The following CPHXL2 variants were observed in gnomAD, a reference collection of about 807,000 sequenced individuals.
CPHXL2 encodes the protein cytoplasmic polyadenylated homeobox like 2, also known as cytoplasmic polyadenylated homeobox-like protein 2.
chr16:75,671,364 A>G, the CPHXL2 span, among the ~76,000 whole-genome samples: 1 of 150,876 alleles, frequency 6.6e-6, no homozygotes. Flanking sequence ...TCTGTATCAA[A>G]AAAAAAAAAA....
chr16:75,672,046 C>T, the CPHXL2 span, among the ~76,000 whole-genome samples: 5 of 150,392 alleles, frequency 3.3e-5, no homozygotes, highest in African/African-American at 4.9e-5. Flanking sequence ...CTGAGGTGGG[C>T]GGATGACTTG....
the CPHXL2 span, among the ~76,000 whole-genome samples, chr16:75,675,625 G>T: frequency 2.0e-5 from 3 of 152,144 alleles, no homozygotes; most frequent in African/African-American, 7.2e-5. Context: ...TCCAAGTTCT[G>T]GGGCTACTCC....
At chr16:75,663,989 G>A in the CPHXL2 span, among the ~76,000 whole-genome samples, 2 of 151,824 alleles carry the variant, frequency 1.3e-5, no homozygotes, top group South Asian at 2.1e-4. Flanking sequence ...TCATCAGCAT[G>A]ACAACACTTT....
chr16:75,666,960 A>G, the CPHXL2 span, among the ~76,000 whole-genome samples: 1 of 152,206 alleles, frequency 6.6e-6, no homozygotes, highest in Non-Finnish European at 1.5e-5. Context: ...TGGAAATTAA[A>G]TAACCTGTTC....
chr16:75,675,175 T>G, the CPHXL2 span, among the ~76,000 whole-genome samples: 2 of 141,862 alleles, frequency 1.4e-5, no homozygotes, highest in East Asian at 2.1e-4. Context: ...GGTGACAGAG[T>G]GAGACTGTCT....
the CPHXL2 span, among the ~76,000 whole-genome samples, chr16:75,674,447 A>T: frequency 6.6e-6 from 1 of 151,888 alleles, no homozygotes; most frequent in Non-Finnish European, 1.5e-5. Context: ...ATTAAAGTAG[A>T]CCTAAATAAA....
the CPHXL2 span, among the ~76,000 whole-genome samples, chr16:75,669,829 G>A: frequency 6.6e-6 from 1 of 152,194 alleles, no homozygotes; most frequent in African/African-American, 2.4e-5. Context: ...CTTGTCTATG[G>A]CCGTTTTCAA....
At chr16:75,672,000 G>A in the CPHXL2 span, among the ~76,000 whole-genome samples, 1 of 151,942 alleles carries the variant, frequency 6.6e-6, no homozygotes, top group African/African-American at 2.4e-5. Context: ...TAACGGGTGC[G>A]ATGGCTCACA....
At chr16:75,668,342 T>C in the CPHXL2 span, among the ~76,000 whole-genome samples, 93,580 of 151,056 alleles carry the variant, frequency 0.62, 31,941 homozygotes, top group East Asian at 0.96. Flanking sequence ...GATTCTCCTG[T>C]CTCAGCCTCC....
chr16:75,667,407 T>G, the CPHXL2 span, among the ~76,000 whole-genome samples: 18 of 152,314 alleles, frequency 1.2e-4, no homozygotes, highest in East Asian at 2.7e-3. Flanking sequence ...TCTGTATTCT[T>G]ATTCTAGTTT....
the CPHXL2 span, among the ~76,000 whole-genome samples, chr16:75,663,052 G>A: frequency 1.3e-5 from 2 of 152,122 alleles, no homozygotes; most frequent in African/African-American, 4.8e-5. Context: ...CGCCCGCCTC[G>A]GCCTCCCAAA....
At chr16:75,671,258 G>C in the CPHXL2 span, among the ~76,000 whole-genome samples, 1 of 151,908 alleles carries the variant, frequency 6.6e-6, no homozygotes, top group African/African-American at 2.4e-5. Context: ...TATTCGGGAG[G>C]TTGAGGTGGG....
chr16:75,661,566 T>C, the CPHXL2 span, among the ~76,000 whole-genome samples: 1 of 151,942 alleles, frequency 6.6e-6, no homozygotes, highest in East Asian at 1.9e-4. Context: ...AATCTTCTCC[T>C]GCTTGCTCAC....
the CPHXL2 span, among the ~76,000 whole-genome samples, chr16:75,671,392 T>C: frequency 1.3e-5 from 2 of 151,216 alleles, no homozygotes; most frequent in Non-Finnish European, 1.5e-5. Flanking sequence ...TGAAATACCT[T>C]TCCAGATCAG....
the CPHXL2 span, among the ~76,000 whole-genome samples, chr16:75,661,905 A>C: frequency 1.1e-4 from 17 of 152,216 alleles, no homozygotes; most frequent in Non-Finnish European, 2.9e-5. Flanking sequence ...TTCCCCACAC[A>C]CAAGGCAAGC....
the CPHXL2 span, among the ~76,000 whole-genome samples, chr16:75,674,230 G>T: frequency 1.4e-5 from 2 of 145,270 alleles, no homozygotes; most frequent in Non-Finnish European, 1.5e-5. Context: ...AAAATTAGCC[G>T]GGTGTGGTGG....
chr16:75,667,346 T>C, the CPHXL2 span, among the ~76,000 whole-genome samples: 4 of 151,700 alleles, frequency 2.6e-5, no homozygotes, highest in Admixed American at 2.6e-4. Context: ...AAAAAATTAG[T>C]AATGAAATTA....
the CPHXL2 span, among the ~76,000 whole-genome samples, chr16:75,661,934 CA>C: frequency 6.6e-6 from 1 of 152,206 alleles, no homozygotes; most frequent in Non-Finnish European, 1.5e-5. Flanking sequence ...CTGCAGTGCA[CA>C]CCAGCTGGGT....
chr16:75,660,987 T>C, the CPHXL2 span: 3 of 399,274 alleles, frequency 7.5e-6, no homozygotes, highest in Non-Finnish European at 1.3e-5. Context: ...AGTCTCTTGG[T>C]TCTCCAAAGA....
Sources: gnomAD v4.1 joint callset for allele counts (sites outside exome capture counted in the v4.1 genomes callset) on GRCh38, gnomAD v4.1.1 for gene constraint, MANE v1.5 for transcripts, NCBI Gene and HGNC (gene_info 2026-07-23, HGNC 2026-07-21) for gene names.